OCIAD1: variants seen among roughly 807,000 people sequenced by gnomAD.
OCIAD1 encodes OCIA domain containing 1.
In OCIAD1, 29 loss-of-function variants were observed where a neutral mutation model predicts 38.9. The observed-to-expected ratio is 0.74, with a 90% CI of 0.55 to 1.02. The LOEUF (loss-of-function observed/expected upper bound fraction) is 1.02, where lower values mean the gene tolerates loss of function less well. OCIAD1 is among the 50% of genes least tolerant of loss of function. OCIAD1 has a pLI of 0.00. For missense variants in OCIAD1, 288 were observed against 289.6 expected, an observed-to-expected ratio of 0.99 and a Z score of 0.04; for synonymous variants, 110 against 92.0, an observed-to-expected ratio of 1.20 and a Z score of -1.12.
At chr4:48,841,936 T>A (rs1778571957) in intron 3 of OCIAD1, among the ~76,000 whole-genome samples, 1 of 152,222 alleles carries the variant, frequency 6.6e-6, no homozygotes, top group Non-Finnish European at 1.5e-5. Context: ...TTAAAATATG[T>A]GCTTTTTAAT....
intron 1 of OCIAD1, among the ~76,000 whole-genome samples, chr4:48,821,615 G>A (rs1410145464): frequency 6.6e-6 from 1 of 152,192 alleles, no homozygotes; most frequent in Non-Finnish European, 1.5e-5. Context: ...GTCTCTGTTT[G>A]CAGATGACAT....
chr4:48,817,574 C>G (rs1358054219), intron 1 of OCIAD1, among the ~76,000 whole-genome samples: 1 of 152,184 alleles, frequency 6.6e-6, no homozygotes, highest in African/African-American at 2.4e-5. Context: ...ACCAGTGAGA[C>G]AGAATTGTTT....
At chr4:48,835,882 A>C (rs552370435) in intron 3 of OCIAD1, among the ~76,000 whole-genome samples, 60 of 152,340 alleles carry the variant, frequency 3.9e-4, no homozygotes, top group African/African-American at 1.4e-3. Flanking sequence ...TGAAGAGGAA[A>C]GGTGGAGTAG....
intron 1 of OCIAD1, among the ~76,000 whole-genome samples, chr4:48,819,267 C>T (rs1777168664): frequency 6.6e-6 from 1 of 151,400 alleles, no homozygotes; most frequent in South Asian, 2.1e-4. Context: ...TGCAGGCCAA[C>T]ATTCAGCATC....
chr4:48,846,745 C>CA (rs765371763), intron 4 of OCIAD1, among the ~76,000 whole-genome samples: 3,359 of 76,940 alleles, frequency 0.044, 63 homozygotes, highest in African/African-American at 0.1. Flanking sequence ...AGACTCGTCT[C>CA]AAAAAAAAAA....
intron 3 of OCIAD1, among the ~76,000 whole-genome samples, chr4:48,834,163 TTTTTTG>T (rs1157398117): frequency 1.3e-5 from 2 of 152,128 alleles, no homozygotes; most frequent in Non-Finnish European, 2.9e-5. Flanking sequence ...GGATGAATTT[TTTTTTG>T]TTTTTGTTTT....
chr4:48,821,868 C>T (rs1284440135), intron 1 of OCIAD1, among the ~76,000 whole-genome samples: 1 of 152,134 alleles, frequency 6.6e-6, no homozygotes, highest in Non-Finnish European at 1.5e-5. Flanking sequence ...AGGAAAACTA[C>T]AAACCACTGC....
chr4:48,851,742 A>G (rs1779492870), intron 6 of OCIAD1, 64 bp from the exon 7 acceptor site: 1 of 881,292 alleles, frequency 1.1e-6, no homozygotes, highest in African/African-American at 1.7e-5. Context: ...AAGTTATTTT[A>G]ACACTTCTTT....
chr4:48,822,188 A>T (rs1579036371), intron 1 of OCIAD1, among the ~76,000 whole-genome samples: 3 of 152,368 alleles, frequency 2.0e-5, no homozygotes, highest in Admixed American at 2.0e-4. Context: ...TACTGGTACC[A>T]AAACAGATGT....
chr4:48,859,816 T>G (rs1684074928), intron 8 of OCIAD1, among the ~76,000 whole-genome samples: 1 of 152,120 alleles, frequency 6.6e-6, no homozygotes, highest in South Asian at 2.1e-4. Context: ...AATTAGAAAT[T>G]AAGACCCAGA....
At chr4:48,836,955 T>C (rs1295932905) in intron 3 of OCIAD1, among the ~76,000 whole-genome samples, 2 of 152,184 alleles carry the variant, frequency 1.3e-5, no homozygotes, top group Non-Finnish European at 2.9e-5. Context: ...TTTTCATGGC[T>C]CATTAGAATG....
chr4:48,842,779 A>G, intron 4 of OCIAD1, 90 bp downstream of exon 4: 1 of 693,374 alleles, frequency 1.4e-6, no homozygotes, highest in Non-Finnish European at 2.4e-6. Context: ...AGTAAAGATA[A>G]CAATGTATCA....
At chr4:48,829,094 T>C (rs1326267553), upstream of OCIAD1, among the ~76,000 whole-genome samples, 2 of 152,108 alleles carry the variant, frequency 1.3e-5, no homozygotes, top group Non-Finnish European at 2.9e-5. Context: ...ACTCTGTCTC[T>C]TCTACAAATA....
chr4:48,830,482 C>T (rs2109503395), upstream of OCIAD1: 1 of 152,280 alleles, frequency 6.6e-6, no homozygotes, highest in African/African-American at 2.4e-5. Flanking sequence ...GTGGCAGCAC[C>T]ATGTCTGATG....
intron 4 of OCIAD1, among the ~76,000 whole-genome samples, chr4:48,843,532 G>A (rs1048594242): frequency 4.6e-5 from 7 of 152,162 alleles, no homozygotes; most frequent in African/African-American, 1.7e-4. Context: ...AAGTAGTTTT[G>A]GAGGCAAATG....
chr4:48,840,233 A>G (rs548090885), intron 3 of OCIAD1, among the ~76,000 whole-genome samples: 4 of 152,364 alleles, frequency 2.6e-5, no homozygotes, highest in African/African-American at 9.6e-5. Context: ...AGCATTATCC[A>G]TTGTAGAAAT....
intron 1 of OCIAD1, among the ~76,000 whole-genome samples, chr4:48,823,824 C>CTTTGTTTTTTT (rs1777221255): frequency 1.4e-5 from 1 of 70,130 alleles, no homozygotes; most frequent in Non-Finnish European, 2.4e-5. Flanking sequence ...CAATGCCTGG[C>CTTTGTTTTTTT]TTTTTTTTTT....
intron 8 of OCIAD1, 71 bp downstream of exon 8, chr4:48,857,436 T>C: frequency 1.1e-6 from 1 of 887,248 alleles, no homozygotes; most frequent in Non-Finnish European, 1.6e-6. Context: ...AAAACAATAC[T>C]ATAAAAAATT....
chr4:48,831,548 G>C (rs1290571772), intron 1 of OCIAD1: 5 of 1,290,690 alleles, frequency 3.9e-6, no homozygotes, highest in Non-Finnish European at 5.1e-6. Flanking sequence ...AGCGGTTGTA[G>C]GCCGCTTAGG....
Sources: allele counts gnomAD v4.1 joint callset (sites outside exome capture counted in the v4.1 genomes callset), GRCh38; gene constraint gnomAD v4.1.1; transcripts MANE v1.5; gene names NCBI Gene and HGNC (gene_info 2026-07-23, HGNC 2026-07-21).